RAPH1: variants seen among roughly 807,000 people sequenced by gnomAD.
RAPH1 encodes Ras association (RalGDS/AF-6) and pleckstrin homology domains 1, also known as ras-associated and pleckstrin homology domains-containing protein 1.
A neutral mutation model predicts 88.1 loss-of-function variants in RAPH1; 18 were observed. That is an observed-to-expected ratio of 0.20 (90% confidence interval 0.14 to 0.30). The LOEUF is 0.30. Ranked by LOEUF, RAPH1 falls within the 10% of genes least tolerant of loss-of-function variation. RAPH1 has a pLI of 1.00. For missense variants in RAPH1, 1,448 were observed against 1,543.2 expected (o/e 0.94, Z 1.03); for synonymous variants, 587 against 559.0 (o/e 1.05, Z -0.71).
chr2:203,530,545 A>G (rs1273356737), intron 1 of RAPH1, among the ~76,000 whole-genome samples: 1 of 151,992 alleles, frequency 6.6e-6, no homozygotes, highest in Non-Finnish European at 1.5e-5. Context: ...GCCCCATCGC[A>G]CCCCCAAAAT....
In RAPH1 at chr2:203,438,284, G is replaced by C; in HGVS notation, c.*1153C>G. On this transcript the variant is annotated 3_prime_UTR_variant, in exon 14 of 14. Coordinates refer to ENST00000319170, the MANE Select transcript of RAPH1 (RefSeq NM_213589.3). ...ACATATTATAACCCATATACAACCA[G>C]ATTAATGACACCTGTACAGGGGCCA... 1 of 453,040 alleles carries C rather than the reference G, an allele frequency of 2.2e-6. No individual in the cohort carries two copies. The highest frequency in any genetic ancestry group is 1.6e-5 in the South Asian group (1 of 62,210). The allele number at this position is 453,040 out of a possible 1,614,324, so 28.1% of individuals were successfully genotyped here.
intron 8 of RAPH1, among the ~76,000 whole-genome samples, chr2:203,456,019 C>T (rs2098519156): frequency 4.0e-5 from 2 of 49,854 alleles, no homozygotes; most frequent in East Asian, 3.9e-4. Flanking sequence ...AAAACAAAAA[C>T]AAAAACAAAA....
chr2:203,502,215 C>A (rs1400178402), intron 1 of RAPH1, among the ~76,000 whole-genome samples: 1 of 152,202 alleles, frequency 6.6e-6, no homozygotes, highest in African/African-American at 2.4e-5. Context: ...TTTTGTAAAA[C>A]TGCCAGATGG....
chr2:203,522,426 G>A (rs1406644597), intron 1 of RAPH1, among the ~76,000 whole-genome samples: 1 of 152,052 alleles, frequency 6.6e-6, no homozygotes, highest in Non-Finnish European at 1.5e-5. Context: ...CTAAATAAAC[G>A]GACAGATATG....
chr2:203,485,561 G>C (rs1322818658), intron 4 of RAPH1, among the ~76,000 whole-genome samples: 2 of 152,092 alleles, frequency 1.3e-5, no homozygotes, highest in Non-Finnish European at 2.9e-5. Flanking sequence ...AATATTACCT[G>C]GAGATATTCT....
At chr2:203,457,737 G>C in intron 7 of RAPH1, 142 bp from the exon 8 acceptor site, 1 of 700,854 alleles carries the variant, frequency 1.4e-6, no homozygotes, top group South Asian at 1.7e-5. Context: ...TGTTGGTATA[G>C]AGTAGAATAA....
chr2:203,507,434 T>C (rs1426350623), intron 1 of RAPH1, among the ~76,000 whole-genome samples: 1 of 152,186 alleles, frequency 6.6e-6, no homozygotes, highest in African/African-American at 2.4e-5. Context: ...GAAAATTTGA[T>C]GACATATATT....
At chr2:203,461,519 A>T in intron 5 of RAPH1, 111 bp from the exon 6 acceptor site, 1 of 785,732 alleles carries the variant, frequency 1.3e-6, no homozygotes, top group Non-Finnish European at 1.9e-6. Flanking sequence ...TATAAATTAA[A>T]ACACAAATAA....
intron 4 of RAPH1, among the ~76,000 whole-genome samples, chr2:203,473,903 C>T (rs1028637168): frequency 7.9e-5 from 12 of 152,050 alleles, no homozygotes; most frequent in African/African-American, 2.9e-4. Context: ...TAGGCTCCAA[C>T]TTTTGAGTGT....
intron 2 of RAPH1, among the ~76,000 whole-genome samples, chr2:203,492,828 T>TA (rs1688330248): frequency 6.6e-6 from 1 of 151,942 alleles, no homozygotes; most frequent in African/African-American, 2.4e-5. Context: ...CACGAACTCT[T>TA]AACCTTTTTA....
intron 10 of RAPH1, 83 bp downstream of exon 10, chr2:203,454,347 G>C: frequency 1.2e-6 from 1 of 860,820 alleles, no homozygotes; most frequent in Non-Finnish European, 1.8e-6. Context: ...ATAATTGATG[G>C]AATCTCAACA....
intron 4 of RAPH1, among the ~76,000 whole-genome samples, chr2:203,475,361 C>T (rs915381874): frequency 3.9e-5 from 6 of 151,944 alleles, no homozygotes; most frequent in Non-Finnish European, 8.8e-5. Context: ...GAGCCAAGAT[C>T]GCGCCACTGC....
chr2:203,444,428 C>CA (rs79801084), intron 13 of RAPH1: 9,579 of 82,462 alleles, frequency 0.12, 1,166 homozygotes, highest in African/African-American at 0.34. Context: ...GACACTCTGT[C>CA]AAAAAAAAAA....
chr2:203,521,096 C>G (rs909558678), intron 1 of RAPH1, among the ~76,000 whole-genome samples: 3 of 152,172 alleles, frequency 2.0e-5, no homozygotes, highest in Non-Finnish European at 2.9e-5. Context: ...CTCTGTTGCC[C>G]AGCCTGGAGT....
At chr2:203,522,685 T>TGAGGTCAG (rs1356356907) in intron 1 of RAPH1, among the ~76,000 whole-genome samples, 2 of 151,828 alleles carry the variant, frequency 1.3e-5, no homozygotes, top group African/African-American at 4.8e-5. Context: ...GCGGATCACC[T>TGAGGTCAG]GAGGTCAGGA....
intron 2 of RAPH1, among the ~76,000 whole-genome samples, chr2:203,492,350 G>A (rs1688307262): frequency 1.3e-5 from 2 of 152,052 alleles, no homozygotes; most frequent in South Asian, 2.1e-4. Flanking sequence ...TGAAGATAAC[G>A]GACAGTTCTG....
chr2:203,534,035 TGACA>T (rs772003200), intron 1 of RAPH1, among the ~76,000 whole-genome samples: 5 of 152,176 alleles, frequency 3.3e-5, no homozygotes, highest in Non-Finnish European at 5.9e-5. Flanking sequence ...CCAGCCTAAC[TGACA>T]GAGTAGGTAT....
Position 203,498,953 on chromosome 2 carries a change from CA to C in RAPH1, c.1-3601del, listed in dbSNP as rs532175347. 5.3e-3 allele frequency among the ~76,000 whole-genome samples: 808 copies of C among 152,180 alleles called. 7 individuals are homozygous for C. The highest frequency in any genetic ancestry group is 0.014 in the Middle Eastern group (4 of 294). On this transcript the variant is annotated intron_variant, in intron 1 of 13. Transcript: ENST00000319170. Reference sequence around the variant, plus strand: ...TTGTATTACAATTGTCTATAGTGTTCAGTACAGTAACATGCTGTACAGGTTG... The same window carrying C: ...TTGTATTACAATTGTCTATAGTGTTCGTACAGTAACATGCTGTACAGGTTG...
intron 10 of RAPH1, among the ~76,000 whole-genome samples, chr2:203,450,848 G>A (rs1013323871): frequency 6.6e-6 from 1 of 151,582 alleles, no homozygotes; most frequent in African/African-American, 2.4e-5. Context: ...AACTGTAGCA[G>A]AAGCCCAAGT....
Sources: allele counts gnomAD v4.1 joint callset (sites outside exome capture counted in the v4.1 genomes callset), GRCh38; gene constraint gnomAD v4.1.1; transcripts MANE v1.5; gene names NCBI Gene and HGNC (gene_info 2026-07-23, HGNC 2026-07-21).